The following FRY variants were observed in gnomAD, a reference collection of about 807,000 sequenced individuals.
FRY encodes FRY microtubule binding protein.
A neutral mutation model predicts 348.4 loss-of-function variants in FRY; 128 were observed. The observed-to-expected ratio is 0.37, with a 90% confidence interval of 0.32 to 0.43. The LOEUF is 0.43. Ranked by LOEUF, FRY falls within the 20% of genes least tolerant of loss-of-function variation. The probability of loss-of-function intolerance (pLI) is 1.00; values close to 1 mark genes in which losing one functional copy is unlikely to be tolerated. For synonymous variants in FRY, 1,370 were observed against 1,374.7 expected, an observed-to-expected ratio of 1.00 and a Z score of 0.08; for missense variants, 2,736 against 3,695.2, an observed-to-expected ratio of 0.74 and a Z score of 6.73.
At chr13:32,089,116 T>A (rs1876083538) in intron 2 of FRY, among the ~76,000 whole-genome samples, 1 of 152,254 alleles carries the variant, frequency 6.6e-6, no homozygotes, top group East Asian at 1.9e-4. Flanking sequence ...TTGACATTCC[T>A]GAAAATCATC....
chr13:32,188,809 T>G (rs1883171482), intron 28 of FRY, among the ~76,000 whole-genome samples: 1 of 152,110 alleles, frequency 6.6e-6, no homozygotes, highest in Non-Finnish European at 1.5e-5. Context: ...GAATCTTAAT[T>G]CCATTTGTTG....
chr13:32,240,306 C>T (rs548140341), intron 46 of FRY, among the ~76,000 whole-genome samples: 12 of 152,296 alleles, frequency 7.9e-5, no homozygotes, highest in African/African-American at 2.4e-4. Flanking sequence ...AAAGCTTAAA[C>T]TCCTTCTGTT....
intron 10 of FRY, 86 bp from the exon 11 acceptor site, chr13:32,136,785 T>A: frequency 2.3e-6 from 2 of 857,786 alleles, no homozygotes; most frequent in Non-Finnish European, 4.1e-6. Flanking sequence ...CCGAGGGAGA[T>A]GGCAAGGTAG....
intron 1 of FRY, among the ~76,000 whole-genome samples, chr13:32,056,858 T>G (rs1873654425): frequency 6.6e-6 from 1 of 152,224 alleles, no homozygotes; most frequent in African/African-American, 2.4e-5. Flanking sequence ...ATTTTATTAC[T>G]GAAATATTTC....
chr13:32,065,773 A>C (rs181070206), intron 1 of FRY, among the ~76,000 whole-genome samples: 36 of 151,698 alleles, frequency 2.4e-4, no homozygotes, highest in Non-Finnish European at 2.4e-4. Flanking sequence ...CTAACCTTTA[A>C]ATTTTTTTTT....
At chr13:32,178,028 G>A in intron 20 of FRY, 149 bp from the exon 21 acceptor site, 4 of 779,166 alleles carry the variant, frequency 5.1e-6, no homozygotes, top group Non-Finnish European at 8.9e-6. Flanking sequence ...GTCAAATGTG[G>A]TAGGTGCAGG....
At chr13:32,047,268 G>T (rs559536904) in intron 1 of FRY, among the ~76,000 whole-genome samples, 2 of 152,160 alleles carry the variant, frequency 1.3e-5, no homozygotes, top group Admixed American at 6.5e-5. Flanking sequence ...TAAGTTAATG[G>T]TTTTGTCATG....
intron 53 of FRY, among the ~76,000 whole-genome samples, chr13:32,263,165 A>C (rs1162139347): frequency 6.6e-6 from 1 of 152,232 alleles, no homozygotes; most frequent in African/African-American, 2.4e-5. Flanking sequence ...ATTTCCTTAT[A>C]GTAGAAATAC....
At chr13:32,107,261 G>A (rs530993641) in intron 3 of FRY, among the ~76,000 whole-genome samples, 2 of 152,304 alleles carry the variant, frequency 1.3e-5, no homozygotes, top group South Asian at 4.1e-4. Flanking sequence ...GGAGGCTGAG[G>A]CAGGAGAATC....
At chr13:32,103,663 G>T (rs1038534540) in intron 3 of FRY, among the ~76,000 whole-genome samples, 5 of 150,732 alleles carry the variant, frequency 3.3e-5, no homozygotes, top group African/African-American at 1.2e-4. Context: ...AGTATAATAA[G>T]AAAAAAAAAG....
At chr13:32,105,771 C>T (rs1211184602) in intron 3 of FRY, among the ~76,000 whole-genome samples, 1 of 152,070 alleles carries the variant, frequency 6.6e-6, no homozygotes, top group Non-Finnish European at 1.5e-5. Flanking sequence ...CAGTTGGTTC[C>T]TGTTTAAATG....
At chr13:32,235,501 A>G (rs886175168) in intron 42 of FRY, among the ~76,000 whole-genome samples, 4 of 152,324 alleles carry the variant, frequency 2.6e-5, no homozygotes, top group African/African-American at 9.6e-5. Context: ...GCACACGCCT[A>G]TAATCCGAGC....
chr13:32,217,608 C>G lies in FRY; in HGVS notation c.4683-1141C>G, dbSNP rs1484186094. Among the ~76,000 whole-genome samples, 3 of 152,248 alleles carry G rather than the reference C, an allele frequency of 2.0e-5. No individual in the cohort carries two copies. In the East Asian group the frequency reaches 5.8e-4, roughly 29 times the overall value. On this transcript the variant is annotated intron_variant, in intron 35 of 60. Coordinates refer to ENST00000542859, the MANE Select transcript of FRY (RefSeq NM_023037.3). ...AGAGGCCTTGGCCATGGTTACAGAG[C>G]CAGTGAGAGAGAGCTCAGCCTTAAA...
In FRY at chr13:32,251,907, C is replaced by T. The variant is rs1285973235; in HGVS notation, c.7200C>T (p.Val2400=). 1 of 1,612,990 alleles carries T rather than the reference C, an allele frequency of 6.2e-7. No homozygotes were observed. Among genetic ancestry groups the T allele is most frequent in the African/African-American group, 1.3e-5 (1 of 74,990 alleles). ...GAACAAAAGAGAAGTTGGTACATGTCCTTTCTCTGTGTGGCCAAGAAGTAG... is the reference window on the plus strand; with the variant it reads ...GAACAAAAGAGAAGTTGGTACATGTTCTTTCTCTGTGTGGCCAAGAAGTAG... The part of the protein sequence containing the change: ...QKRTKEKLVH[V]LSLCGQEVGL... The change falls in exon 50 of 61, where the codon GTC becomes GTT. Residue 2400 remains valine (V), a synonymous_variant. Coordinates refer to ENST00000542859, the MANE Select transcript of FRY (RefSeq NM_023037.3).
chr13:32,036,561 A>G (rs935532453), intron 1 of FRY, among the ~76,000 whole-genome samples: 2 of 152,086 alleles, frequency 1.3e-5, no homozygotes, highest in Non-Finnish European at 2.9e-5. Flanking sequence ...CATGATTTAT[A>G]TAGAGGGCAA....
chr13:32,280,788 G>T (rs990531364), intron 58 of FRY, among the ~76,000 whole-genome samples: 1 of 152,160 alleles, frequency 6.6e-6, no homozygotes. Flanking sequence ...TTATTTATTT[G>T]TTTGTTTCTT....
chr13:32,282,885 G>A (rs1028103912), intron 58 of FRY, among the ~76,000 whole-genome samples: 1 of 152,190 alleles, frequency 6.6e-6, no homozygotes, highest in African/African-American at 2.4e-5. Context: ...GCTCACGCCT[G>A]TAATCCCAGC....
chr13:32,033,028 G>T (rs748010146), intron 1 of FRY, among the ~76,000 whole-genome samples: 5 of 152,162 alleles, frequency 3.3e-5, no homozygotes, highest in Admixed American at 2.6e-4. Flanking sequence ...ATTCAGGGAT[G>T]TGCATCTCTA....
intron 28 of FRY, among the ~76,000 whole-genome samples, chr13:32,190,079 T>G (rs1883251015): frequency 6.6e-6 from 1 of 151,972 alleles, no homozygotes; most frequent in South Asian, 2.1e-4. Context: ...ACGAAAAGCA[T>G]TTGTTAAAGT....
Sources: allele counts gnomAD v4.1 joint callset (sites outside exome capture counted in the v4.1 genomes callset), GRCh38; gene constraint gnomAD v4.1.1; transcripts MANE v1.5; gene names NCBI Gene and HGNC (gene_info 2026-07-23, HGNC 2026-07-21).